METTL8: variants seen among roughly 807,000 people sequenced by gnomAD.
The protein encoded by METTL8 is tRNA N(3)-cytidine methyltransferase METTL8, mitochondrial.
In METTL8, 32 loss-of-function variants were observed where a neutral mutation model predicts 48.7. That is an observed-to-expected ratio of 0.66 (90% CI 0.50 to 0.88). The LOEUF (loss-of-function observed/expected upper bound fraction) is 0.88, where lower values mean the gene tolerates loss of function less well. Ranked by LOEUF, METTL8 falls within the 40% of genes least tolerant of loss-of-function variation. The probability of loss-of-function intolerance (pLI) is 0.00; values close to 1 mark genes in which losing one functional copy is unlikely to be tolerated. For missense variants in METTL8, 464 were observed against 474.4 expected, an observed-to-expected ratio of 0.98 and a Z score of 0.20; for synonymous variants, 136 against 157.1, an observed-to-expected ratio of 0.87 and a Z score of 1.01.
chr2:171,374,988 G>C (rs896815425), intron 2 of METTL8: 29 of 1,047,442 alleles, frequency 2.8e-5, no homozygotes, highest in South Asian at 3.7e-5. Context: ...ATCAGGGTGG[G>C]GGTGTTCGGT....
At chr2:171,366,239 GAA>G (rs1437310534) in intron 2 of METTL8, among the ~76,000 whole-genome samples, 1 of 152,136 alleles carries the variant, frequency 6.6e-6, no homozygotes, top group African/African-American at 2.4e-5. Flanking sequence ...AGCCACAGTG[GAA>G]AGATCTATCT....
intron 1 of METTL8, among the ~76,000 whole-genome samples, chr2:171,407,138 T>C (rs1252499085): frequency 5.3e-5 from 8 of 151,748 alleles, no homozygotes; most frequent in Admixed American, 3.3e-4. Flanking sequence ...AAAAAAATAA[T>C]AGAGAGGGAA....
rs142691423 is a variant in METTL8, at chr2:171,338,565, G to A, written c.606+619C>T. ...TGAGGCAGGAGAATTGCTTGAACCCGGGAGGCAGAAGCTGCAGTGAGCTGA... is the reference window on the plus strand; with the variant it reads ...TGAGGCAGGAGAATTGCTTGAACCCAGGAGGCAGAAGCTGCAGTGAGCTGA... On this transcript the variant is annotated intron_variant, in intron 4 of 9. Transcript: ENST00000375258. Among the ~76,000 whole-genome samples the A allele has an allele frequency of 2.0e-3, 296 of 151,756 alleles. 7 individuals are homozygous for A. In the East Asian group the frequency reaches 0.029, roughly 15 times the overall value.
rs1218064546 is a variant in METTL8 at position 171,412,649 on chromosome 2, C to T, written c.-12-20452G>A. 2.0e-5 allele frequency among the ~76,000 whole-genome samples: 3 copies of T among 151,046 alleles called. No individual in the cohort carries two copies. In the East Asian group the frequency reaches 5.8e-4, roughly 29 times the overall value. ...CAGGCAATGTGGATAAAAGCATTAG[C>T]ACCTTTGCCTAAATCAAAACAGTGG... On this transcript the variant is annotated intron_variant, in intron 1 of 9. Transcript: ENST00000375258.
chr2:171,360,977 T>C (rs1450645390), intron 2 of METTL8, among the ~76,000 whole-genome samples: 18 of 152,236 alleles, frequency 1.2e-4, no homozygotes, highest in Non-Finnish European at 2.9e-5. Context: ...GCCTGCAATT[T>C]TTAAAGTAAC....
In METTL8 at chr2:171,318,117, C is replaced by A. The variant is rs1259408020; in HGVS notation, c.*6055G>T. 6.6e-6 allele frequency: 1 copy of A among 152,228 alleles called. No homozygotes were observed. Among genetic ancestry groups the A allele is most frequent in the Non-Finnish European group, 1.5e-5 (1 of 68,042 alleles). 9.4% of individuals were successfully genotyped at this position (152,228 alleles called of 1,614,324 possible). A position where few individuals can be genotyped will look rare whatever the true frequency, so the allele number is the denominator to read the frequency against. ...AATGAAAGACAGATTTTGGCATCCA[C>A]TTTTCTCTGTAGCTTTGAGGCCACA... On this transcript the variant is annotated 3_prime_UTR_variant, in exon 10 of 10. Transcript: ENST00000375258.
chr2:171,418,338 G>T (rs112699976), intron 1 of METTL8, among the ~76,000 whole-genome samples: 1 of 151,996 alleles, frequency 6.6e-6, no homozygotes, highest in East Asian at 1.9e-4. Flanking sequence ...TATACTAGTC[G>T]GGGTTTAACA....
upstream of METTL8, chr2:171,434,558 AGGGCCCGGCCCGCGCCTCCAT>A (rs1165463455): frequency 1.3e-6 from 2 of 1,525,064 alleles, no homozygotes; most frequent in Non-Finnish European, 1.8e-6. Context: ...CAGCCTACCC[AGGGCCCGGCCCGCGCCTCCAT>A]GGGCCCGACC....
chr2:171,345,542 C>T (rs929750115), intron 3 of METTL8, among the ~76,000 whole-genome samples: 1 of 152,128 alleles, frequency 6.6e-6, no homozygotes, highest in Admixed American at 6.5e-5. Flanking sequence ...AAATTTTAAA[C>T]AAGCAAAGCC....
intron 2 of METTL8, among the ~76,000 whole-genome samples, chr2:171,385,208 T>G (rs1021311603): frequency 1.3e-5 from 2 of 150,394 alleles, no homozygotes; most frequent in African/African-American, 2.4e-5. Flanking sequence ...AGGCCAGGAG[T>G]TCAAGACCAG....
rs750241559 is a variant in METTL8, at chr2:171,339,144, T to C, written c.606+40A>G. 18 of 1,413,378 alleles carry C rather than the reference T, an allele frequency of 1.3e-5. No individual in the cohort carries two copies. The East Asian group carries it at 4.2e-4, about 33-fold the overall frequency. 87.6% of individuals were successfully genotyped at this position (1,413,378 alleles called of 1,614,324 possible). A position where few individuals can be genotyped will look rare whatever the true frequency, so the allele number is the denominator to read the frequency against. ...ATAATACAGAATGTACATTTTCAAATTATTTGTCACCTCCCATTTTTGTCC... is the reference window on the plus strand; with the variant it reads ...ATAATACAGAATGTACATTTTCAAACTATTTGTCACCTCCCATTTTTGTCC... On this transcript the variant is annotated intron_variant, in intron 4 of 9. Coordinates refer to ENST00000375258, the MANE Select transcript of METTL8 (RefSeq NM_001321154.2).
intron 1 of METTL8, among the ~76,000 whole-genome samples, chr2:171,398,383 C>A (rs909293792): frequency 6.6e-6 from 1 of 151,990 alleles, no homozygotes; most frequent in African/African-American, 2.4e-5. Flanking sequence ...AGATATTATG[C>A]TAAGTGAAAT....
chr2:171,382,682 T>G (rs1258260787), intron 2 of METTL8, among the ~76,000 whole-genome samples: 1 of 151,184 alleles, frequency 6.6e-6, no homozygotes, highest in Non-Finnish European at 1.5e-5. Flanking sequence ...GTAACAAACC[T>G]GCACATTCTG....
At chr2:171,389,862 C>T (rs1469474380) in intron 2 of METTL8, among the ~76,000 whole-genome samples, 1 of 152,166 alleles carries the variant, frequency 6.6e-6, no homozygotes, top group African/African-American at 2.4e-5. Flanking sequence ...GAAGATCCAG[C>T]TAAGATCACT....
chr2:171,336,727 T>C (rs1381586302), intron 5 of METTL8, among the ~76,000 whole-genome samples: 1 of 152,132 alleles, frequency 6.6e-6, no homozygotes, highest in African/African-American at 2.4e-5. Flanking sequence ...TCAGAAGGGA[T>C]GACAAAATGA....
At chr2:171,403,681 G>A (rs1339910102) in intron 1 of METTL8, among the ~76,000 whole-genome samples, 1 of 151,938 alleles carries the variant, frequency 6.6e-6, no homozygotes. Context: ...GGACTATATG[G>A]AACCTCTCTA....
At position 171,330,696 on chromosome 2, in the gene METTL8, T is replaced by C; in HGVS notation, c.723A>G (p.Ser241=). ...FASGAVELVK[S]HSSYRATQCF... ...ACTGGGTTGCTCTGTAGGACGAGTGTGACTGTCATGATAAAGGAACAGAAA... is the reference window on the plus strand; with the variant it reads ...ACTGGGTTGCTCTGTAGGACGAGTGCGACTGTCATGATAAAGGAACAGAAA... Residue 241 remains serine, a splice_region_variant and synonymous_variant, in exon 7 of 10, where the codon TCA becomes TCG. Coordinates refer to ENST00000375258, the MANE Select transcript of METTL8 (RefSeq NM_001321154.2). 5 of 1,606,104 alleles carry C rather than the reference T, an allele frequency of 3.1e-6. No individual in the cohort carries two copies. The highest frequency in any genetic ancestry group is 4.2e-6 in the Non-Finnish European group (5 of 1,177,712).
At chr2:171,366,299 G>A (rs1486782505) in intron 2 of METTL8, among the ~76,000 whole-genome samples, 4 of 152,064 alleles carry the variant, frequency 2.6e-5, no homozygotes, top group African/African-American at 7.2e-5. Flanking sequence ...CATGCCATAG[G>A]AACAAGAACC....
rs961476667 is a variant in METTL8 at position 171,322,121 on chromosome 2, C to G, written c.*2051G>C. On this transcript the variant is annotated 3_prime_UTR_variant, in exon 10 of 10. Coordinates refer to ENST00000375258, the MANE Select transcript of METTL8 (RefSeq NM_001321154.2). ...GGGATTACAGGTGCCCACCACCACG[C>G]CTGGCTAATTTTTTTTGTATTTTTA... 2 of 151,862 alleles carry G rather than the reference C, an allele frequency of 1.3e-5. No homozygotes were observed. Among genetic ancestry groups the G allele is most frequent in the African/African-American group, 4.8e-5 (2 of 41,318 alleles). The allele number at this position is 151,862 out of a possible 1,614,324, so 9.4% of individuals were successfully genotyped here.
Sources: allele counts gnomAD v4.1 joint callset (sites outside exome capture counted in the v4.1 genomes callset), GRCh38; gene constraint gnomAD v4.1.1; transcripts MANE v1.5; gene names NCBI Gene and HGNC (gene_info 2026-07-23, HGNC 2026-07-21).